Variants in ELOVL6 observed in about 807,000 individuals in gnomAD.
ELOVL6 encodes the protein ELOVL fatty acid elongase 6, also known as very long chain fatty acid elongase 6.
Under a neutral mutation model 31.7 loss-of-function variants are expected in ELOVL6, and 8 were observed. That is an observed-to-expected ratio of 0.25 (90% confidence interval 0.15 to 0.45). ELOVL6 has a LOEUF of 0.45. Among genes scored for constraint, ELOVL6 ranks in the 20% least tolerant of loss-of-function variants. ELOVL6 has a pLI of 1.00. For missense variants in ELOVL6, 126 were observed against 326.4 expected (o/e 0.39, Z 4.73); for synonymous variants, 101 against 117.7 (o/e 0.86, Z 0.92).
intron 1 of ELOVL6, among the ~76,000 whole-genome samples, chr4:110,196,222 G>A (rs554721595): frequency 4.6e-5 from 7 of 152,352 alleles, no homozygotes; most frequent in Non-Finnish European, 8.8e-5. Context: ...AGCGGACTCC[G>A]GAAGAGCAGG....
At position 110,050,196 on chromosome 4, in the gene ELOVL6, T is replaced by C. The variant is rs1754801789; in HGVS notation, c.*1142A>G. 6.7e-6 allele frequency: 1 copy of C among 150,024 alleles called. No homozygotes were observed. Among genetic ancestry groups the C allele is most frequent in the South Asian group, 2.1e-4 (1 of 4,828 alleles). 9.3% of individuals were successfully genotyped at this position (150,024 alleles called of 1,614,324 possible). ...ATGCAGATGATGCAGAAACACAGTG[T>C]TCCCCCAATATTTCGAACAGCCCTG... On this transcript the variant is annotated 3_prime_UTR_variant, in exon 4 of 4. Coordinates refer to ENST00000302274, the MANE Select transcript of ELOVL6 (RefSeq NM_024090.3).
intron 1 of ELOVL6, among the ~76,000 whole-genome samples, chr4:110,178,099 T>C (rs1759164587): frequency 6.6e-6 from 1 of 152,322 alleles, no homozygotes; most frequent in South Asian, 2.1e-4. Flanking sequence ...GCTTTTCATG[T>C]GTCAGCCAGA....
At chr4:110,166,181 GC>G (rs1678897945) in intron 1 of ELOVL6, among the ~76,000 whole-genome samples, 1 of 152,194 alleles carries the variant, frequency 6.6e-6, no homozygotes, top group Non-Finnish European at 1.5e-5. Flanking sequence ...CCCCTGGACT[GC>G]AGTGTTCTTT....
intron 2 of ELOVL6, among the ~76,000 whole-genome samples, chr4:110,104,643 C>A (rs1335825842): frequency 6.6e-6 from 1 of 152,110 alleles, no homozygotes; most frequent in Non-Finnish European, 1.5e-5. Flanking sequence ...CATAGTATAT[C>A]TACATTTACT....
At chr4:110,074,039 C>A (rs779835886) in intron 2 of ELOVL6, among the ~76,000 whole-genome samples, 28 of 152,102 alleles carry the variant, frequency 1.8e-4, no homozygotes, top group Non-Finnish European at 3.7e-4. Flanking sequence ...ACTCCTTTGT[C>A]CTTCCTGGGG....
chr4:110,074,612 A>C (rs989856958), intron 2 of ELOVL6, among the ~76,000 whole-genome samples: 1 of 152,250 alleles, frequency 6.6e-6, no homozygotes, highest in African/African-American at 2.4e-5. Context: ...TGGAGCTTAT[A>C]TCTTAAATGA....
At chr4:110,079,694 C>T (rs948798125) in intron 2 of ELOVL6, among the ~76,000 whole-genome samples, 2 of 152,004 alleles carry the variant, frequency 1.3e-5, no homozygotes, top group African/African-American at 4.8e-5. Context: ...GAAGCAAGAG[C>T]AAACACAGTC....
At chr4:110,086,149 G>T (rs539114552) in intron 2 of ELOVL6, among the ~76,000 whole-genome samples, 2 of 152,272 alleles carry the variant, frequency 1.3e-5, no homozygotes, top group South Asian at 2.1e-4. Context: ...AGCCACTAAT[G>T]AAGTCTTTCT....
At chr4:110,156,449 G>C (rs1466172752) in intron 1 of ELOVL6, among the ~76,000 whole-genome samples, 1 of 152,134 alleles carries the variant, frequency 6.6e-6, no homozygotes, top group Non-Finnish European at 1.5e-5. Context: ...CCCAGCAGAA[G>C]TCAAGGGTGG....
intron 2 of ELOVL6, among the ~76,000 whole-genome samples, chr4:110,078,224 A>G (rs1755712613): frequency 6.6e-6 from 1 of 152,360 alleles, no homozygotes; most frequent in East Asian, 1.9e-4. Context: ...ATTCATATTC[A>G]GGAAATACAG....
intron 2 of ELOVL6, among the ~76,000 whole-genome samples, chr4:110,062,784 T>C (rs181891470): frequency 1.4e-4 from 21 of 152,288 alleles, no homozygotes; most frequent in Non-Finnish European, 1.5e-5. Context: ...TAGATTAGAG[T>C]TGCAAATCGA....
chr4:110,051,397 A>G lies in ELOVL6; in HGVS notation c.739T>C (p.Cys247Arg). The G allele has an allele frequency of 6.2e-7, 1 of 1,614,236 alleles. No individual in the cohort carries two copies. The highest frequency in any genetic ancestry group is 8.5e-7 in the Non-Finnish European group (1 of 1,180,030). ...ATGTAGGCCTCAAAGAAGAAATGGC[A>G]GAAGAGCACAAGGTAGCTGAGGTAC... ...LMYLSYLVLF[C>R]HFFFEAYIGK... is the part of the protein sequence containing the mutation. Residue 247 changes from cysteine to arginine, a missense_variant, in exon 4 of 4, where the codon TGC becomes CGC. Around this residue, in one of 3 missense-constraint regions of ELOVL6, gnomAD observed 57 missense variants for 110.2 expected, o/e 0.52. Coordinates refer to ENST00000302274, the MANE Select transcript of ELOVL6 (RefSeq NM_024090.3). The surrounding 1 kb of genome is among the most constrained non-coding windows in gnomAD (Gnocchi z 4.8).
intron 2 of ELOVL6, among the ~76,000 whole-genome samples, chr4:110,075,944 G>A (rs1194134923): frequency 2.0e-5 from 3 of 152,206 alleles, no homozygotes; most frequent in African/African-American, 4.8e-5. Context: ...TGCTTTTGAT[G>A]AAAATGCTAA....
intron 1 of ELOVL6, among the ~76,000 whole-genome samples, chr4:110,116,711 AG>A (rs1227723040): frequency 2.0e-5 from 3 of 152,210 alleles, no homozygotes; most frequent in Non-Finnish European, 4.4e-5. Context: ...TACGTACTAC[AG>A]GCTACTTTAA....
chr4:110,090,619 T>TTTTTTTTTTTTTTC (rs1339267305), intron 2 of ELOVL6, among the ~76,000 whole-genome samples: 1 of 148,564 alleles, frequency 6.7e-6, no homozygotes, highest in African/African-American at 2.5e-5. Flanking sequence ...TTTTTTTTTT[T>TTTTTTTTTTTTTTC]TCATGAGACG....
intron 2 of ELOVL6, among the ~76,000 whole-genome samples, chr4:110,070,096 G>A (rs535724466): frequency 2.0e-4 from 31 of 152,320 alleles, no homozygotes; most frequent in African/African-American, 7.2e-4. Flanking sequence ...TTACTGGTGG[G>A]TATGCTTTCT....
intron 2 of ELOVL6, among the ~76,000 whole-genome samples, chr4:110,086,990 T>G (rs865925325): frequency 6.6e-5 from 10 of 152,140 alleles, no homozygotes; most frequent in African/African-American, 2.4e-4. Flanking sequence ...GTAAAGCACC[T>G]GATATAGGCT....
chr4:110,137,752 G>A (rs531560238), intron 1 of ELOVL6, among the ~76,000 whole-genome samples: 4 of 152,224 alleles, frequency 2.6e-5, no homozygotes, highest in Admixed American at 6.5e-5. Flanking sequence ...CACACTCTGA[G>A]GCCATAACAA....
intron 2 of ELOVL6, 193 bp from the exon 3 acceptor site, chr4:110,059,947 A>C (rs1446122637): frequency 2.7e-5 from 14 of 521,462 alleles, no homozygotes; most frequent in Non-Finnish European, 3.7e-5. Flanking sequence ...CTTTATTCTG[A>C]AACCATATAT....
Sources: gnomAD v4.1 joint callset for allele counts (sites outside exome capture counted in the v4.1 genomes callset) on GRCh38, gnomAD v4.1.1 for gene constraint, gnomAD v4.1.1 regional missense constraint, Gnocchi (gnomAD v3.1) non-coding constraint, MANE v1.5 for transcripts, NCBI Gene and HGNC (gene_info 2026-07-23, HGNC 2026-07-21) for gene names.